Variants in FAM3C observed in about 807,000 individuals in gnomAD.
FAM3C encodes protein FAM3C.
Under a neutral mutation model 32.5 loss-of-function variants are expected in FAM3C, and 15 were observed. The ratio of observed to expected loss-of-function variants is 0.46; its 90% CI spans 0.31 to 0.71. The LOEUF (loss-of-function observed/expected upper bound fraction) is 0.71. Among genes scored for constraint, FAM3C ranks in the 30% least tolerant of loss-of-function variants. FAM3C has a pLI of 0.05. For synonymous variants in FAM3C, 75 were observed against 86.1 expected (o/e 0.87, Z 0.72); for missense variants, 175 against 274.4 (o/e 0.64, Z 2.56).
At chr7:121,375,184 C>T (rs1266230458) in intron 3 of FAM3C, among the ~76,000 whole-genome samples, 1 of 152,156 alleles carries the variant, frequency 6.6e-6, no homozygotes, top group Non-Finnish European at 1.5e-5. Flanking sequence ...AACAAATGTT[C>T]AGAAAAAGGA....
intron 8 of FAM3C, among the ~76,000 whole-genome samples, chr7:121,356,120 T>C (rs2536174): frequency 0.26 from 38,558 of 151,112 alleles, 5,846 homozygotes; most frequent in African/African-American, 0.44. Context: ...AAAAATGTAA[T>C]GTGACTGTTT....
chr7:121,369,270 C>T (rs576613678), intron 5 of FAM3C, among the ~76,000 whole-genome samples: 18 of 152,204 alleles, frequency 1.2e-4, no homozygotes, highest in Middle Eastern at 3.4e-3. Context: ...CATGAGCCAC[C>T]ACGCCCAGCC....
Position 121,350,409 on chromosome 7 carries a change from C to T in FAM3C, c.*52G>A. On this transcript the variant is annotated 3_prime_UTR_variant, in exon 10 of 10. Transcript: ENST00000359943. ...TTACACATAGCTCTGCCATTTATAGCTCTCCCATTAAGAGTGAAAGTGCGC... is the reference window on the plus strand; with the variant it reads ...TTACACATAGCTCTGCCATTTATAGTTCTCCCATTAAGAGTGAAAGTGCGC... The T allele has an allele frequency of 1.2e-6, 2 of 1,609,212 alleles. No homozygotes were observed. The highest frequency in any genetic ancestry group is 1.7e-5 in the Admixed American group (1 of 59,828).
intron 1 of FAM3C, among the ~76,000 whole-genome samples, chr7:121,390,463 C>T (rs970680429): frequency 4.6e-5 from 7 of 152,154 alleles, no homozygotes; most frequent in Non-Finnish European, 1.0e-4. Flanking sequence ...CCAAAACAAA[C>T]CTCCTTCTTG....
At chr7:121,365,043 C>T (rs1026444652) in intron 5 of FAM3C, among the ~76,000 whole-genome samples, 2 of 152,056 alleles carry the variant, frequency 1.3e-5, no homozygotes, top group African/African-American at 4.8e-5. Context: ...CACACTTGTC[C>T]TTATATAGAC....
At chr7:121,390,332 A>C (rs978123498) in intron 1 of FAM3C, among the ~76,000 whole-genome samples, 1 of 152,218 alleles carries the variant, frequency 6.6e-6, no homozygotes, top group African/African-American at 2.4e-5. Flanking sequence ...AAAAGATCTG[A>C]CCTAACCAAC....
intron 8 of FAM3C, among the ~76,000 whole-genome samples, chr7:121,357,530 G>A (rs913799296): frequency 1.3e-5 from 2 of 152,082 alleles, no homozygotes; most frequent in African/African-American, 4.8e-5. Flanking sequence ...GATGTAGATT[G>A]CCTTTCTTAA....
Position 121,348,913 on chromosome 7 carries a change from A to G in FAM3C, c.*1548T>C, listed in dbSNP as rs1333578586. The G allele has an allele frequency of 1.3e-5, 2 of 152,364 alleles. No homozygotes were observed. The highest frequency in any genetic ancestry group is 6.6e-5 in the Admixed American group (1 of 15,250). 9.4% of individuals were successfully genotyped at this position (152,364 alleles called of 1,614,324 possible). A position where few individuals can be genotyped will look rare whatever the true frequency, so the allele number is the denominator to read the frequency against. The stretch of plus-strand genomic sequence containing the variant: ...TTTAAAAAACTGCAACATTTATTTC[A>G]CAATCCCTGGAACTGTAAAATAACT... On this transcript the variant is annotated 3_prime_UTR_variant, in exon 10 of 10. Transcript: ENST00000359943.
chr7:121,350,699 C>A, intron 9 of FAM3C, 149 bp from the exon 10 acceptor site: 2 of 802,692 alleles, frequency 2.5e-6, no homozygotes, highest in Non-Finnish European at 2.0e-6. Flanking sequence ...ATGAGTGACC[C>A]TCAGGCTGTA....
intron 8 of FAM3C, among the ~76,000 whole-genome samples, chr7:121,357,199 A>G (rs1584690223): frequency 6.6e-6 from 1 of 152,166 alleles, no homozygotes; most frequent in East Asian, 1.9e-4. Context: ...CATGATTAAG[A>G]GAAACTAGGA....
chr7:121,378,904 A>G lies in FAM3C; in HGVS notation c.118+6T>C, dbSNP rs762637223. 7.0e-7 allele frequency: 1 copy of G among 1,427,730 alleles called. No homozygotes were observed. Among genetic ancestry groups the G allele is most frequent in the Non-Finnish European group, 9.6e-7 (1 of 1,036,594 alleles). The allele number at this position is 1,427,730 out of a possible 1,614,324, so 88.4% of individuals were successfully genotyped here. On this transcript the variant is annotated splice_donor_region_variant and intron_variant, in intron 3 of 9. Coordinates refer to ENST00000359943, the MANE Select transcript of FAM3C (RefSeq NM_014888.3). ...AGATTTAAGAAAGGAAAAAAATAAA[A>G]CTTACCAAATAGATTTCCTAAACTT...
chr7:121,388,676 T>C (rs1794515131), intron 1 of FAM3C, among the ~76,000 whole-genome samples: 1 of 152,188 alleles, frequency 6.6e-6, no homozygotes, highest in Non-Finnish European at 1.5e-5. Flanking sequence ...TTTTGACAGT[T>C]TTCTGAATCA....
In FAM3C at chr7:121,394,288, CTTTTGGCT is replaced by C. The variant is rs558480492; in HGVS notation, c.-42+1866_-42+1873del. Among the ~76,000 whole-genome samples the C allele has an allele frequency of 3.0e-4, 45 of 152,342 alleles. No individual in the cohort carries two copies. The South Asian group carries it at 9.3e-3, about 32-fold the overall frequency. ...TTTTGCCATTCCATAGCCTCTTAGCCTTTTGGCTGTCTTTTCCAATTTCCTTTTCCTTT... is the reference window on the plus strand; with the variant it reads ...TTTTGCCATTCCATAGCCTCTTAGCCGTCTTTTCCAATTTCCTTTTCCTTT... On this transcript the variant is annotated intron_variant, in intron 1 of 9. Transcript: ENST00000359943.
intron 9 of FAM3C, 94 bp downstream of exon 9, chr7:121,351,049 C>T (rs2116860184): frequency 8.8e-7 from 1 of 1,134,828 alleles, no homozygotes; most frequent in Non-Finnish European, 1.3e-6. Flanking sequence ...TTACTATCCG[C>T]TTTATCTAAT....
chr7:121,388,280 C>T (rs1473475628), intron 1 of FAM3C, among the ~76,000 whole-genome samples: 3 of 149,304 alleles, frequency 2.0e-5, no homozygotes, highest in African/African-American at 7.6e-5. Flanking sequence ...TCCTGTTGTA[C>T]AGCTTCAGAG....
rs140563003 is a variant in FAM3C at position 121,349,664 on chromosome 7, T to C, written c.*797A>G. On this transcript the variant is annotated 3_prime_UTR_variant, in exon 10 of 10. Coordinates refer to ENST00000359943, the MANE Select transcript of FAM3C (RefSeq NM_014888.3). ...ACGTATGCTAGTATTGCTCTAAATATACTGACTTAGCTGTCCTGAATGACC... is the reference window on the plus strand; with the variant it reads ...ACGTATGCTAGTATTGCTCTAAATACACTGACTTAGCTGTCCTGAATGACC... 0.015 allele frequency: 2,241 copies of C among 152,358 alleles called. 14 individuals are homozygous for C. Among genetic ancestry groups the C allele is most frequent in the Non-Finnish European group, 0.023 (1,584 of 67,980 alleles). 9.4% of individuals were successfully genotyped at this position (152,358 alleles called of 1,614,324 possible).
At chr7:121,368,978 T>G (rs1196649092) in intron 5 of FAM3C, among the ~76,000 whole-genome samples, 8 of 136,654 alleles carry the variant, frequency 5.9e-5, no homozygotes, top group Non-Finnish European at 9.1e-5. Context: ...TGTTGTTTTT[T>G]TTTTTTTTTT....
intron 6 of FAM3C, among the ~76,000 whole-genome samples, 175 bp downstream of exon 6, chr7:121,363,955 A>C (rs1313167317): frequency 6.6e-6 from 1 of 152,158 alleles, no homozygotes; most frequent in Non-Finnish European, 1.5e-5. Context: ...GAAACACGCT[A>C]TAAATTCTTA....
Position 121,378,927 on chromosome 7 carries a change from C to T in FAM3C, c.101G>A (p.Ser34Asn), listed in dbSNP as rs756287917. Residue 34 changes from serine (S) to asparagine (N), a missense_variant, in exon 3 of 10, where the codon AGT becomes AAT. By Grantham distance (46) the Ser-to-Asn change is conservative. Transcript: ENST00000359943. ...SQVFEIKMDA[S>N]LGNLFARSAL... The stretch of plus-strand genomic sequence containing the variant: ...AAACTTACCAAATAGATTTCCTAAA[C>T]TTGCATCCATTTTTATTTCAAATAC... The T allele has an allele frequency of 6.6e-7, 1 of 1,511,498 alleles. No homozygotes were observed. Among genetic ancestry groups the T allele is most frequent in the South Asian group, 1.3e-5 (1 of 79,206 alleles). The allele number at this position is 1,511,498 out of a possible 1,614,324, so 93.6% of individuals were successfully genotyped here.
Sources: gnomAD v4.1 joint callset for allele counts (sites outside exome capture counted in the v4.1 genomes callset) on GRCh38, gnomAD v4.1.1 for gene constraint, MANE v1.5 for transcripts, NCBI Gene and HGNC (gene_info 2026-07-23, HGNC 2026-07-21) for gene names.